Variants in OLFM3 observed in about 807,000 individuals in gnomAD.
The protein encoded by OLFM3 is noelin-3.
In OLFM3, 20 loss-of-function variants were observed where a neutral mutation model predicts 48.6. That is an observed-to-expected ratio of 0.41 (90% CI 0.29 to 0.60). OLFM3 has a LOEUF of 0.60. Among genes scored for constraint, OLFM3 ranks in the 20% least tolerant of loss-of-function variants. The pLI is 0.28. For synonymous variants in OLFM3, 222 were observed against 198.1 expected (o/e 1.12, Z -1.01); for missense variants, 437 against 544.3 (o/e 0.80, Z 1.96).
intron 1 of OLFM3, among the ~76,000 whole-genome samples, chr1:101,849,284 G>A (rs1656132509): frequency 6.6e-6 from 1 of 152,208 alleles, no homozygotes; most frequent in African/African-American, 2.4e-5. Context: ...ATATCCATTT[G>A]AAAAGTTGAG....
At chr1:101,996,353 A>T (rs1661555974) in intron 1 of OLFM3, among the ~76,000 whole-genome samples, 1 of 152,292 alleles carries the variant, frequency 6.6e-6, no homozygotes, top group East Asian at 1.9e-4. Flanking sequence ...CCCTGCTTTC[A>T]ACAAAGAAAC....
chr1:101,896,345 T>G (rs1658199583), intron 1 of OLFM3, among the ~76,000 whole-genome samples: 1 of 152,116 alleles, frequency 6.6e-6, no homozygotes, highest in Admixed American at 6.5e-5. Context: ...ATTATGCACA[T>G]TTGCCATGGC....
intron 1 of OLFM3, among the ~76,000 whole-genome samples, chr1:101,917,364 T>G (rs1361222548): frequency 2.0e-5 from 3 of 152,194 alleles, no homozygotes; most frequent in Non-Finnish European, 4.4e-5. Flanking sequence ...TGTTAGTGTT[T>G]CTTTTTGTAA....
At chr1:101,967,614 A>AAAAAAAAAAAAAAAAAAT (rs1660652932) in intron 1 of OLFM3, among the ~76,000 whole-genome samples, 1 of 143,832 alleles carries the variant, frequency 7.0e-6, no homozygotes, top group African/African-American at 2.5e-5. Context: ...AAAAAAAAAA[A>AAAAAAAAAAAAAAAAAAT]GGAATAACTG....
At chr1:101,890,002 TCAGC>T (rs1657926963) in intron 1 of OLFM3, among the ~76,000 whole-genome samples, 1 of 152,004 alleles carries the variant, frequency 6.6e-6, no homozygotes, top group African/African-American at 2.4e-5. Flanking sequence ...CCCAAAAAAT[TCAGC>T]CACAGGGAAC....
At chr1:101,864,773 GT>G (rs1250794692) in intron 1 of OLFM3, among the ~76,000 whole-genome samples, 6 of 152,166 alleles carry the variant, frequency 3.9e-5, no homozygotes, top group Non-Finnish European at 8.8e-5. Flanking sequence ...CTCAGTGGCT[GT>G]AAATCCTTTA....
chr1:101,969,546 A>T (rs943217165), intron 1 of OLFM3, among the ~76,000 whole-genome samples: 6 of 152,190 alleles, frequency 3.9e-5, no homozygotes, highest in Non-Finnish European at 7.3e-5. Context: ...GTCAAAGTAC[A>T]TAGACTTTTT....
At position 101,901,414 on chromosome 1, in the gene OLFM3, G is replaced by A. The variant is rs568597839; in HGVS notation, c.70-64389C>T. ...GAGAAACAATGAGTACTGTACATGG[G>A]ACATGGAATGTCCTTACATATGGGT... On this transcript the variant is annotated intron_variant, in intron 1 of 5. Coordinates refer to ENST00000370103, the MANE Select transcript of OLFM3 (RefSeq NM_058170.4). Among the ~76,000 whole-genome samples the A allele has an allele frequency of 2.6e-5, 4 of 152,170 alleles. No individual in the cohort carries two copies. The South Asian group carries it at 8.3e-4, about 32-fold the overall frequency.
intron 1 of OLFM3, among the ~76,000 whole-genome samples, chr1:101,907,524 A>C (rs1658593689): frequency 6.6e-6 from 1 of 152,254 alleles, no homozygotes; most frequent in Non-Finnish European, 1.5e-5. Context: ...GCTAATTAGC[A>C]GAATTGCAGA....
chr1:101,859,669 T>C (rs1397108519), intron 1 of OLFM3, among the ~76,000 whole-genome samples: 1 of 152,162 alleles, frequency 6.6e-6, no homozygotes, highest in African/African-American at 2.4e-5. Context: ...CATGTTGGTA[T>C]TCAAAATGTT....
At chr1:101,873,682 A>G (rs2100979855) in intron 1 of OLFM3, among the ~76,000 whole-genome samples, 1 of 151,904 alleles carries the variant, frequency 6.6e-6, no homozygotes, top group South Asian at 2.1e-4. Flanking sequence ...ATAGTTGAGC[A>G]CAGAGGAGTG....
At chr1:101,870,613 A>G (rs1657042308) in intron 1 of OLFM3, among the ~76,000 whole-genome samples, 1 of 152,222 alleles carries the variant, frequency 6.6e-6, no homozygotes, top group South Asian at 2.1e-4. Flanking sequence ...CAGACTGTTA[A>G]TGGTCTACTA....
chr1:101,993,587 T>A (rs568336682), intron 1 of OLFM3, among the ~76,000 whole-genome samples: 21 of 152,270 alleles, frequency 1.4e-4, no homozygotes, highest in Admixed American at 1.4e-3. Flanking sequence ...GTGATATACA[T>A]CTGAGTTTTT....
chr1:101,871,732 T>C (rs1327704216), intron 1 of OLFM3, among the ~76,000 whole-genome samples: 1 of 152,110 alleles, frequency 6.6e-6, no homozygotes, highest in Admixed American at 6.6e-5. Context: ...TGATACCATA[T>C]AAATATGATT....
At chr1:101,990,066 C>T (rs1407307248) in intron 1 of OLFM3, among the ~76,000 whole-genome samples, 1 of 152,158 alleles carries the variant, frequency 6.6e-6, no homozygotes, top group Non-Finnish European at 1.5e-5. Context: ...TATGTGATCT[C>T]TTCTCCATGA....
chr1:101,973,088 A>T (rs1347854357), intron 1 of OLFM3, among the ~76,000 whole-genome samples: 4 of 152,262 alleles, frequency 2.6e-5, no homozygotes, highest in Non-Finnish European at 5.9e-5. Flanking sequence ...TAGGGTCTTC[A>T]GAAAAACAGA....
chr1:101,900,703 T>A (rs1344794428), intron 1 of OLFM3, among the ~76,000 whole-genome samples: 1 of 151,886 alleles, frequency 6.6e-6, no homozygotes, highest in African/African-American at 2.4e-5. Flanking sequence ...GTAAAGAAAA[T>A]ATATGAAAGA....
chr1:101,981,290 T>C (rs1173175238), intron 1 of OLFM3, among the ~76,000 whole-genome samples: 2 of 152,088 alleles, frequency 1.3e-5, no homozygotes, highest in Non-Finnish European at 2.9e-5. Context: ...TAGCTGAACT[T>C]CCAACAGCAT....
intron 4 of OLFM3, 94 bp from the exon 5 acceptor site, chr1:101,806,276 C>A: frequency 1.2e-6 from 1 of 866,564 alleles, no homozygotes; most frequent in Non-Finnish European, 1.9e-6. Flanking sequence ...GATCATAAAA[C>A]TAAGCCAATC....
Sources: gnomAD v4.1 joint callset for allele counts (sites outside exome capture counted in the v4.1 genomes callset) on GRCh38, gnomAD v4.1.1 for gene constraint, MANE v1.5 for transcripts, NCBI Gene and HGNC (gene_info 2026-07-23, HGNC 2026-07-21) for gene names.